The following LINGO2 variants were observed in gnomAD, a reference collection of about 807,000 sequenced individuals.
The protein encoded by LINGO2 is leucine rich repeat and Ig domain containing 2, also known as leucine-rich repeat and immunoglobulin-like domain-containing nogo receptor-interacting protein 2.
LINGO2 carries 14 observed loss-of-function variants against 30.6 expected under a neutral mutation model. The ratio of observed to expected loss-of-function variants is 0.46; its 90% CI spans 0.30 to 0.72. The LOEUF (loss-of-function observed/expected upper bound fraction) is 0.72. Among genes scored for constraint, LINGO2 ranks in the 30% least tolerant of loss-of-function variants. LINGO2 has a pLI of 0.07. For missense variants in LINGO2, 729 were observed against 751.7 expected (o/e 0.97, Z 0.35); for synonymous variants, 317 against 288.5 (o/e 1.10, Z -1.00).
At chr9:29,013,111 C>T in the LINGO2 span, among the ~76,000 whole-genome samples, 1 of 152,140 alleles carries the variant, frequency 6.6e-6, no homozygotes, top group African/African-American at 2.4e-5. Context: ...GGGAAAATCT[C>T]GTATTGACTG....
At chr9:28,856,643 A>G in the LINGO2 span, among the ~76,000 whole-genome samples, 4 of 152,082 alleles carry the variant, frequency 2.6e-5, no homozygotes, top group Non-Finnish European at 4.4e-5. Flanking sequence ...CTGTGACTAA[A>G]GCCCAGGGAA....
chr9:29,198,143 T>C, the LINGO2 span, among the ~76,000 whole-genome samples: 2 of 152,166 alleles, frequency 1.3e-5, no homozygotes, highest in African/African-American at 4.8e-5. Flanking sequence ...TATGCTCTAA[T>C]AGTCCTCTGG....
the LINGO2 span, among the ~76,000 whole-genome samples, chr9:28,723,732 G>C: frequency 6.6e-6 from 1 of 151,976 alleles, no homozygotes; most frequent in South Asian, 2.1e-4. Context: ...TCATATCCTA[G>C]AGATCAGCCA....
chr9:28,077,574 AT>A (rs1248769068), intron 4 of LINGO2, among the ~76,000 whole-genome samples: 2 of 135,092 alleles, frequency 1.5e-5, no homozygotes, highest in Non-Finnish European at 3.0e-5. Flanking sequence ...CTATTATCTT[AT>A]TTTTTTCATA....
chr9:29,113,839 C>T, the LINGO2 span, among the ~76,000 whole-genome samples: 5 of 152,042 alleles, frequency 3.3e-5, no homozygotes, highest in Admixed American at 2.6e-4. Context: ...TGGTCAAGAG[C>T]GAGGTGATAA....
chr9:27,993,598 C>T (rs779347192), intron 5 of LINGO2, among the ~76,000 whole-genome samples: 6 of 152,060 alleles, frequency 3.9e-5, no homozygotes, highest in Non-Finnish European at 7.4e-5. Context: ...TCTTTCCTGT[C>T]GAAAACAAAT....
the LINGO2 span, among the ~76,000 whole-genome samples, chr9:29,117,373 T>A: frequency 6.6e-6 from 1 of 152,188 alleles, no homozygotes; most frequent in East Asian, 1.9e-4. Context: ...ATTTCCACCA[T>A]AGTCAATTTT....
intron 4 of LINGO2, among the ~76,000 whole-genome samples, chr9:28,111,789 T>A (rs576372962): frequency 6.6e-6 from 1 of 152,274 alleles, no homozygotes; most frequent in East Asian, 1.9e-4. Context: ...AACAGAGATA[T>A]ACAAGGGCTT....
intron 2 of LINGO2, among the ~76,000 whole-genome samples, chr9:28,396,537 T>C (rs1188505388): frequency 6.6e-6 from 1 of 151,678 alleles, no homozygotes; most frequent in Non-Finnish European, 1.5e-5. Context: ...ACCCCGTCTC[T>C]ACTAAAAATA....
At chr9:28,419,041 G>C (rs1200353523) in intron 2 of LINGO2, among the ~76,000 whole-genome samples, 1 of 152,058 alleles carries the variant, frequency 6.6e-6, no homozygotes, top group Non-Finnish European at 1.5e-5. Context: ...CATTTCCAGA[G>C]TAAATCCCTC....
chr9:29,031,269 G>GA, the LINGO2 span, among the ~76,000 whole-genome samples: 135 of 151,466 alleles, frequency 8.9e-4, no homozygotes, highest in African/African-American at 2.3e-3. Context: ...TGGTGGTGGT[G>GA]GTGATTTATT....
downstream of LINGO2, among the ~76,000 whole-genome samples, chr9:27,945,949 C>T (rs117099447): frequency 2.0e-5 from 3 of 152,248 alleles, no homozygotes; most frequent in East Asian, 5.8e-4. Context: ...GATCTAAGCA[C>T]TGACACAGTC....
chr9:28,434,022 A>G (rs1285258034), intron 2 of LINGO2, among the ~76,000 whole-genome samples: 1 of 150,820 alleles, frequency 6.6e-6, no homozygotes, highest in Admixed American at 6.7e-5. Context: ...CTCATCCAAA[A>G]AAAGGAACAA....
At chr9:29,105,308 A>G in the LINGO2 span, among the ~76,000 whole-genome samples, 2 of 152,208 alleles carry the variant, frequency 1.3e-5, no homozygotes, top group Middle Eastern at 3.2e-3. Flanking sequence ...AAGCCAGTCA[A>G]GATGCAACCA....
intron 2 of LINGO2, among the ~76,000 whole-genome samples, chr9:28,395,438 G>T (rs186475758): frequency 2.0e-4 from 31 of 152,184 alleles, no homozygotes; most frequent in African/African-American, 5.5e-4. Context: ...TCGTTGCCAA[G>T]AAGATGGATA....
chr9:29,167,294 G>C, the LINGO2 span, among the ~76,000 whole-genome samples: 1 of 151,946 alleles, frequency 6.6e-6, no homozygotes, highest in Non-Finnish European at 1.5e-5. Flanking sequence ...TATTACCTCA[G>C]GTACTAAGAA....
chr9:28,806,805 C>T, the LINGO2 span, among the ~76,000 whole-genome samples: 1 of 152,078 alleles, frequency 6.6e-6, no homozygotes, highest in Admixed American at 6.6e-5. Flanking sequence ...CAGTATTTCT[C>T]AAGCATACTT....
chr9:28,450,316 A>G (rs1237779597), intron 2 of LINGO2, among the ~76,000 whole-genome samples: 1 of 152,012 alleles, frequency 6.6e-6, no homozygotes, highest in Admixed American at 6.6e-5. Context: ...TTCCTAGATG[A>G]ATCCTCTGTT....
chr9:28,453,617 C>A (rs779155975), intron 2 of LINGO2, among the ~76,000 whole-genome samples: 5 of 151,876 alleles, frequency 3.3e-5, no homozygotes, highest in African/African-American at 7.2e-5. Context: ...GGAATCTCTA[C>A]AAGTTTTTCA....
Sources: gnomAD v4.1 joint callset for allele counts (sites outside exome capture counted in the v4.1 genomes callset) on GRCh38, gnomAD v4.1.1 for gene constraint, MANE v1.5 for transcripts, NCBI Gene and HGNC (gene_info 2026-07-23, HGNC 2026-07-21) for gene names.